Variants in CPLX4 observed in about 807,000 individuals in gnomAD.
CPLX4 encodes complexin 4.
In CPLX4, 17 loss-of-function variants were observed where a neutral mutation model predicts 16.1. The ratio of observed to expected loss-of-function variants is 1.06; its 90% CI spans 0.72 to 1.59. CPLX4 has a LOEUF of 1.59. CPLX4 is among the 40% of genes most tolerant of loss of function. The probability of loss-of-function intolerance (pLI) is 0.00; values close to 1 mark genes in which losing one functional copy is unlikely to be tolerated. For missense variants in CPLX4, 193 were observed against 192.9 expected, an observed-to-expected ratio of 1.00 and a Z score of 0.00; for synonymous variants, 55 against 57.8, an observed-to-expected ratio of 0.95 and a Z score of 0.22.
chr18:59,314,672 C>A (rs571812570), intron 1 of CPLX4, among the ~76,000 whole-genome samples: 1 of 152,158 alleles, frequency 6.6e-6, no homozygotes, highest in Non-Finnish European at 1.5e-5. Context: ...AAGGCCTACC[C>A]CCTAGCCCTA....
Position 59,295,747 on chromosome 18 carries a change from G to A in CPLX4, c.*951C>T, listed in dbSNP as rs1051563924. ...AGCTTGTGGCACCAAATGACAGTGT[G>A]ATTTACTGGAAGGTAGTCTAAAGGG... On this transcript the variant is annotated 3_prime_UTR_variant, in exon 3 of 3. Coordinates refer to ENST00000299721, the MANE Select transcript of CPLX4 (RefSeq NM_181654.4). The A allele has an allele frequency of 4.6e-5, 7 of 150,862 alleles. No homozygotes were observed. The highest frequency in any genetic ancestry group is 1.3e-4 in the Admixed American group (2 of 15,180). 9.3% of individuals were successfully genotyped at this position (150,862 alleles called of 1,614,324 possible).
chr18:59,308,217 A>G (rs1221310857), intron 2 of CPLX4, among the ~76,000 whole-genome samples: 1 of 152,148 alleles, frequency 6.6e-6, no homozygotes, highest in Non-Finnish European at 1.5e-5. Flanking sequence ...TATTAGAATA[A>G]AAAGCATGGC....
chr18:59,302,469 T>C (rs1408636310), intron 2 of CPLX4, among the ~76,000 whole-genome samples: 3 of 152,256 alleles, frequency 2.0e-5, no homozygotes, highest in Non-Finnish European at 4.4e-5. Context: ...ACTTATAGGC[T>C]ATACTTTGTT....
intron 2 of CPLX4, 83 bp downstream of exon 2, chr18:59,312,602 A>T (rs2070625218): frequency 5.4e-6 from 3 of 557,378 alleles, no homozygotes; most frequent in Non-Finnish European, 9.7e-6. Flanking sequence ...ATATTCAGGA[A>T]CATGATCCTT....
chr18:59,304,339 G>A (rs1246062684), intron 2 of CPLX4, among the ~76,000 whole-genome samples: 1 of 152,128 alleles, frequency 6.6e-6, no homozygotes, highest in East Asian at 1.9e-4. Context: ...ATTGGCCAGG[G>A]AGAGGAACAC....
intron 1 of CPLX4, among the ~76,000 whole-genome samples, chr18:59,314,147 G>A (rs956623673): frequency 1.3e-5 from 2 of 152,176 alleles, no homozygotes; most frequent in Non-Finnish European, 2.9e-5. Flanking sequence ...ACGGGCATGA[G>A]AGAACATCGG....
intron 2 of CPLX4, among the ~76,000 whole-genome samples, chr18:59,298,577 C>T (rs2070518724): frequency 1.3e-5 from 2 of 148,412 alleles, no homozygotes; most frequent in South Asian, 2.2e-4. Context: ...GACTACATTG[C>T]TTTAAGAAAG....
chr18:59,304,072 C>A (rs948357690), intron 2 of CPLX4, among the ~76,000 whole-genome samples: 1 of 152,148 alleles, frequency 6.6e-6, no homozygotes, highest in Non-Finnish European at 1.5e-5. Context: ...TTACATTCAA[C>A]TGTAATGGAG....
chr18:59,299,159 A>G (rs2070522814), intron 2 of CPLX4, among the ~76,000 whole-genome samples: 1 of 152,204 alleles, frequency 6.6e-6, no homozygotes, highest in Non-Finnish European at 1.5e-5. Context: ...CTCCCAGCCA[A>G]TTGTGCATTT....
At position 59,318,599 on chromosome 18, in the gene CPLX4, A is replaced by G; in HGVS notation, c.-137T>C. The G allele has an allele frequency of 7.1e-7, 1 of 1,411,966 alleles. No homozygotes were observed. Among genetic ancestry groups the G allele is most frequent in the South Asian group, 1.5e-5 (1 of 64,806 alleles). 87.5% of individuals were successfully genotyped at this position (1,411,966 alleles called of 1,614,324 possible). A position where few individuals can be genotyped will look rare whatever the true frequency, so the allele number is the denominator to read the frequency against. On this transcript the variant is annotated 5_prime_UTR_variant, in exon 1 of 3. The change abolishes an upstream ATG in the 5' untranslated region. Coordinates refer to ENST00000299721, the MANE Select transcript of CPLX4 (RefSeq NM_181654.4). ...AGAGCAAAGGACTTTGCACAACCTC[A>G]TCTATTCAAGGGCATACTGATAGAG...
intron 2 of CPLX4, among the ~76,000 whole-genome samples, chr18:59,299,379 G>T (rs1179052376): frequency 1.3e-5 from 2 of 152,168 alleles, no homozygotes; most frequent in Non-Finnish European, 2.9e-5. Flanking sequence ...CCTTCCCTCA[G>T]GTTGGTAGTA....
intron 2 of CPLX4, among the ~76,000 whole-genome samples, chr18:59,310,943 C>T (rs1258553868): frequency 1.5e-5 from 2 of 131,488 alleles, no homozygotes; most frequent in Non-Finnish European, 3.2e-5. Context: ...CACACCCAGC[C>T]AATCGTGTGT....
At chr18:59,316,700 G>C (rs1023698994) in intron 1 of CPLX4, among the ~76,000 whole-genome samples, 2 of 152,060 alleles carry the variant, frequency 1.3e-5, no homozygotes, top group African/African-American at 2.4e-5. Flanking sequence ...TTGACTGTAT[G>C]ATTTGGCCAT....
chr18:59,316,789 T>C (rs2070654106), intron 1 of CPLX4, among the ~76,000 whole-genome samples: 2 of 152,184 alleles, frequency 1.3e-5, no homozygotes, highest in South Asian at 4.1e-4. Flanking sequence ...TTATCTGCAA[T>C]CGGATCTGCT....
chr18:59,309,952 G>A (rs2070605884), intron 2 of CPLX4, among the ~76,000 whole-genome samples: 1 of 152,090 alleles, frequency 6.6e-6, no homozygotes, highest in Non-Finnish European at 1.5e-5. Flanking sequence ...CTGAGTTCCA[G>A]TCCTAAGTCT....
intron 2 of CPLX4, among the ~76,000 whole-genome samples, chr18:59,303,913 C>T (rs910691026): frequency 2.0e-5 from 3 of 152,204 alleles, no homozygotes; most frequent in Non-Finnish European, 4.4e-5. Context: ...GCCTTCCCAC[C>T]GCCTGGCCAC....
intron 2 of CPLX4, among the ~76,000 whole-genome samples, chr18:59,310,663 G>A (rs1282026065): frequency 6.6e-6 from 1 of 152,072 alleles, no homozygotes; most frequent in East Asian, 1.9e-4. Flanking sequence ...TCTATTGTCA[G>A]GCGTTGTACT....
chr18:59,298,504 C>A lies in CPLX4; in HGVS notation c.256-1579G>T, dbSNP rs145605607. Among the ~76,000 whole-genome samples, 328 of 152,102 alleles carry A rather than the reference C, an allele frequency of 2.2e-3. 1 individual carries two copies. Among genetic ancestry groups the A allele is most frequent in the African/African-American group, 7.7e-3 (320 of 41,500 alleles). ...AGCCACCTGAATATGTTGTGACCAG[C>A]CTTAAATTTGTTACCAAAGCTCATG... On this transcript the variant is annotated intron_variant, in intron 2 of 2. Transcript: ENST00000299721.
intron 1 of CPLX4, among the ~76,000 whole-genome samples, chr18:59,317,411 T>G (rs1428416715): frequency 6.6e-6 from 1 of 152,198 alleles, no homozygotes; most frequent in Admixed American, 6.5e-5. Flanking sequence ...AGAGATTACA[T>G]TTATTTCAGA....
Sources: gnomAD v4.1 joint callset for allele counts (sites outside exome capture counted in the v4.1 genomes callset) on GRCh38, gnomAD v4.1.1 for gene constraint, MANE v1.5 for transcripts, NCBI Gene and HGNC (gene_info 2026-07-23, HGNC 2026-07-21) for gene names.